Variants in RBPJ observed in about 807,000 individuals in gnomAD.
RBPJ encodes the protein recombining binding protein suppressor of hairless.
In RBPJ, 9 loss-of-function variants were observed where a neutral mutation model predicts 67.8. That is an observed-to-expected ratio of 0.13 (90% CI 0.08 to 0.23). The LOEUF is 0.23. RBPJ is among the 10% of genes least tolerant of loss of function. The probability of loss-of-function intolerance (pLI) is 1.00; values close to 1 mark genes in which losing one functional copy is unlikely to be tolerated. For synonymous variants in RBPJ, 198 were observed against 203.3 expected (o/e 0.97, Z 0.22); for missense variants, 305 against 595.6 (o/e 0.51, Z 5.08).
intron 1 of RBPJ, among the ~76,000 whole-genome samples, chr4:26,337,463 G>A (rs1724973695): frequency 6.6e-6 from 1 of 151,494 alleles, no homozygotes; most frequent in African/African-American, 2.4e-5. Flanking sequence ...TATCTCTTCT[G>A]TAGCTCTGGC....
upstream of RBPJ, chr4:26,320,949 A>C: frequency 1.9e-6 from 3 of 1,560,586 alleles, no homozygotes; most frequent in Non-Finnish European, 2.6e-6. Flanking sequence ...GGAAAAAGGG[A>C]AGGGGCGGGG....
At chr4:26,214,949 ACGG>A (rs1718616431) in intron 1 of RBPJ, among the ~76,000 whole-genome samples, 1 of 92,118 alleles carries the variant, frequency 1.1e-5, no homozygotes, top group African/African-American at 4.7e-5. Flanking sequence ...GGGAGGAAGG[ACGG>A]AAGGAAGGAG....
At chr4:26,192,988 A>C (rs575767571) in intron 1 of RBPJ, among the ~76,000 whole-genome samples, 19 of 152,208 alleles carry the variant, frequency 1.2e-4, no homozygotes, top group Non-Finnish European at 2.8e-4. Context: ...AGAAGGGGAT[A>C]TGATGACAGA....
chr4:26,244,161 A>ACATATATGTGTC (rs1297443669), intron 1 of RBPJ, among the ~76,000 whole-genome samples: 4 of 115,356 alleles, frequency 3.5e-5, no homozygotes, highest in African/African-American at 9.1e-5. Flanking sequence ...ATATATGTAT[A>ACATATATGTGTC]TATATATGTA....
intron 1 of RBPJ, among the ~76,000 whole-genome samples, chr4:26,311,992 TG>T (rs547282226): frequency 1.3e-3 from 205 of 152,308 alleles, no homozygotes; most frequent in African/African-American, 4.7e-3. Flanking sequence ...CTGAGCACCC[TG>T]TTATAAATAC....
At chr4:26,320,666 C>A (rs551121765), upstream of RBPJ, 5 of 1,445,646 alleles carry the variant, frequency 3.5e-6, no homozygotes, top group African/African-American at 2.9e-5. Context: ...CTCCATTCCT[C>A]GTCCCCGTAG....
intron 1 of RBPJ, among the ~76,000 whole-genome samples, chr4:26,340,977 C>T (rs1725463149): frequency 6.6e-6 from 1 of 151,374 alleles, no homozygotes; most frequent in African/African-American, 2.4e-5. Context: ...TTTTAGACGC[C>T]CAAGAGGAAA....
chr4:26,132,810 C>T, the RBPJ span, among the ~76,000 whole-genome samples: 3 of 151,988 alleles, frequency 2.0e-5, no homozygotes, highest in Admixed American at 6.5e-5. Context: ...ACTTCTCAAC[C>T]CCCCCACCCC....
At chr4:26,240,476 C>T (rs1719599102) in intron 1 of RBPJ, among the ~76,000 whole-genome samples, 1 of 152,154 alleles carries the variant, frequency 6.6e-6, no homozygotes, top group South Asian at 2.1e-4. Flanking sequence ...TTATTAAACA[C>T]CCACAAAGTG....
chr4:26,271,881 G>A (rs1720929045), intron 1 of RBPJ, among the ~76,000 whole-genome samples: 1 of 152,182 alleles, frequency 6.6e-6, no homozygotes, highest in Non-Finnish European at 1.5e-5. Flanking sequence ...ACACGTGTGA[G>A]CAACCACATA....
At chr4:26,166,887 G>T (rs1241012995) in intron 1 of RBPJ, among the ~76,000 whole-genome samples, 8 of 152,132 alleles carry the variant, frequency 5.3e-5, no homozygotes, top group African/African-American at 1.2e-4. Flanking sequence ...TTGAATTAAT[G>T]TTTGTATAAG....
At chr4:26,230,692 C>A (rs770036062) in intron 1 of RBPJ, among the ~76,000 whole-genome samples, 2 of 152,182 alleles carry the variant, frequency 1.3e-5, no homozygotes, top group African/African-American at 2.4e-5. Flanking sequence ...CTGATGCGAC[C>A]AATGGCATAT....
upstream of RBPJ, among the ~76,000 whole-genome samples, chr4:26,318,876 AG>A (rs1336424156): frequency 6.6e-6 from 1 of 151,366 alleles, no homozygotes; most frequent in East Asian, 2.0e-4. Flanking sequence ...GGGCGCCTGT[AG>A]TTCCAGCTAC....
intron 1 of RBPJ, among the ~76,000 whole-genome samples, chr4:26,385,702 G>A (rs1230109277): frequency 1.3e-5 from 2 of 151,858 alleles, no homozygotes; most frequent in African/African-American, 4.8e-5. Context: ...GTGACATTGG[G>A]CTTGTTGCTT....
chr4:26,179,563 A>C (rs1716909148), intron 1 of RBPJ, among the ~76,000 whole-genome samples: 1 of 152,110 alleles, frequency 6.6e-6, no homozygotes, highest in South Asian at 2.1e-4. Flanking sequence ...ACATATGAAA[A>C]AATGCTCAGT....
intron 1 of RBPJ, among the ~76,000 whole-genome samples, chr4:26,280,295 C>T (rs910220105): frequency 6.6e-6 from 1 of 150,406 alleles, no homozygotes; most frequent in Non-Finnish European, 1.5e-5. Context: ...ACTCAGGAGG[C>T]TGAGGCGGGA....
At chr4:26,301,404 C>A (rs7695004) in intron 1 of RBPJ, among the ~76,000 whole-genome samples, 110,301 of 151,680 alleles carry the variant, frequency 0.73, 40,385 homozygotes, top group East Asian at 0.81. Context: ...CATCTTGGCT[C>A]ACACGGTGAA....
chr4:26,336,902 T>C, intron 1 of RBPJ, among the ~76,000 whole-genome samples: 1 of 152,176 alleles, frequency 6.6e-6, no homozygotes, highest in East Asian at 1.9e-4. Context: ...TATAAATATA[T>C]TGTAAAAAAG....
intron 1 of RBPJ, among the ~76,000 whole-genome samples, chr4:26,359,976 C>T (rs1328900320): frequency 1.3e-5 from 2 of 152,094 alleles, no homozygotes; most frequent in Non-Finnish European, 2.9e-5. Context: ...AAAACCAAAA[C>T]AAAATAATCA....
Sources: allele counts gnomAD v4.1 joint callset (sites outside exome capture counted in the v4.1 genomes callset), GRCh38; gene constraint gnomAD v4.1.1; transcripts MANE v1.5; gene names NCBI Gene and HGNC (gene_info 2026-07-23, HGNC 2026-07-21).